The following PTPN18 variants were observed in gnomAD, a reference collection of about 807,000 sequenced individuals.
PTPN18 encodes tyrosine-protein phosphatase non-receptor type 18.
In PTPN18, 65 loss-of-function variants were observed where a neutral mutation model predicts 65.4. That is an observed-to-expected ratio of 0.99 (90% CI 0.81 to 1.22). The LOEUF (loss-of-function observed/expected upper bound fraction) is 1.22, where lower values mean the gene tolerates loss of function less well. PTPN18 is among the 50% of genes most tolerant of loss of function. The probability of loss-of-function intolerance (pLI) is 0.00; values close to 1 mark genes in which losing one functional copy is unlikely to be tolerated. For missense variants in PTPN18, 616 were observed against 646.5 expected, an observed-to-expected ratio of 0.95 and a Z score of 0.51; for synonymous variants, 255 against 267.8, an observed-to-expected ratio of 0.95 and a Z score of 0.47.
At chr2:130,366,222 C>T (rs1680375971) in intron 5 of PTPN18, among the ~76,000 whole-genome samples, 1 of 152,200 alleles carries the variant, frequency 6.6e-6, no homozygotes, top group South Asian at 2.1e-4. Context: ...ATGCAGAACA[C>T]CTGTTCTCCT....
intron 5 of PTPN18, among the ~76,000 whole-genome samples, chr2:130,364,480 A>G (rs1680321321): frequency 6.6e-6 from 1 of 152,160 alleles, no homozygotes; most frequent in African/African-American, 2.4e-5. Context: ...CCTTTTGACT[A>G]TTGTAAATAA....
chr2:130,359,244 C>G lies in PTPN18; in HGVS notation c.214C>G (p.Arg72Gly). The G allele has an allele frequency of 6.2e-7, 1 of 1,614,022 alleles. No homozygotes were observed. The highest frequency in any genetic ancestry group is 8.5e-7 in the Non-Finnish European group (1 of 1,180,018). The change falls in exon 3 of 15, where the codon CGA (arginine) becomes GGA (glycine). Residue 72 changes from arginine to glycine, a missense_variant. By Grantham distance (125) the Arg-to-Gly change is moderately radical. Transcript: ENST00000175756. Reference sequence around the variant, plus strand: ...TTATCTGCTGACAGATGATCAGACGCGAGTAATCCTCTCCCTGCTCCAGGA... The same window carrying G: ...TTATCTGCTGACAGATGATCAGACGGGAGTAATCCTCTCCCTGCTCCAGGA... ...YKDVLPYDQT[R>G]VILSLLQEEG...
chr2:130,369,001 T>C, intron 5 of PTPN18, 132 bp from the exon 6 acceptor site: 1 of 662,284 alleles, frequency 1.5e-6, no homozygotes, highest in Non-Finnish European at 2.6e-6. Context: ...GGCTGGCGTC[T>C]GTTATAGGTT....
Position 130,373,071 on chromosome 2 carries a change from A to G in PTPN18, c.1316-86A>G, listed in dbSNP as rs1306366704. Reference sequence around the variant, plus strand: ...GCTGCAGTGAACCAGGAGGACCTGGAGGCGGGGGGATGGCCTTCTTCATGT... The same window carrying G: ...GCTGCAGTGAACCAGGAGGACCTGGGGGCGGGGGGATGGCCTTCTTCATGT... On this transcript the variant is annotated intron_variant, in intron 14 of 14. Coordinates refer to ENST00000175756, the MANE Select transcript of PTPN18 (RefSeq NM_014369.4). The surrounding 1 kb of genome is among the most constrained non-coding windows in gnomAD (Gnocchi z 4.1). The G allele has an allele frequency of 1.3e-6, 2 of 1,541,630 alleles. No homozygotes were observed. Among genetic ancestry groups the G allele is most frequent in the Non-Finnish European group, 1.8e-6 (2 of 1,127,732 alleles).
Position 130,371,235 on chromosome 2 carries a change from C to G in PTPN18, c.961C>G (p.Arg321Gly), listed in dbSNP as rs200481567. Reference sequence around the variant, plus strand: ...ACTCTACGACGATGCCCTCTTCCTCCGGACTCCCCAGGCACTTCTCGCCAT... The same window carrying G: ...ACTCTACGACGATGCCCTCTTCCTCGGGACTCCCCAGGCACTTCTCGCCAT... Reference protein sequence around the residue: ...APLYDDALFLRTPQALLAIPR... With the variant: ...APLYDDALFLGTPQALLAIPR... The change falls in exon 12 of 15, where the codon CGG becomes GGG. Residue 321 changes from arginine to glycine, a missense_variant. Coordinates refer to ENST00000175756, the MANE Select transcript of PTPN18 (RefSeq NM_014369.4). The G allele has an allele frequency of 6.2e-7, 1 of 1,610,972 alleles. No homozygotes were observed.
intron 5 of PTPN18, among the ~76,000 whole-genome samples, chr2:130,367,804 G>A (rs925001847): frequency 6.6e-6 from 1 of 151,972 alleles, no homozygotes; most frequent in South Asian, 2.1e-4. Context: ...TGGGTTCATA[G>A]TTTCATCGAA....
At chr2:130,372,137 C>T (rs1680584472) in intron 12 of PTPN18, 120 bp from the exon 13 acceptor site, 1 of 964,854 alleles carries the variant, frequency 1.0e-6, no homozygotes, top group Non-Finnish European at 1.5e-6. Flanking sequence ...AGCCCTCCCT[C>T]CCATCTAGCG....
At chr2:130,366,554 T>G (rs72614442) in intron 5 of PTPN18, among the ~76,000 whole-genome samples, 27,507 of 152,116 alleles carry the variant, frequency 0.18, 2,657 homozygotes, top group East Asian at 0.32. Flanking sequence ...TATTGGTTAG[T>G]AGTTTTCTTT....
Position 130,369,155 on chromosome 2 carries a change from C to T in PTPN18, c.437C>T (p.Ala146Val), listed in dbSNP as rs748244878. Residue 146 changes from alanine to valine, a missense_variant, in exon 6 of 15, where the codon GCC becomes GTC. By Grantham distance (64) the Ala-to-Val change is moderately conservative (BLOSUM62 0). Coordinates refer to ENST00000175756, the MANE Select transcript of PTPN18 (RefSeq NM_014369.4). ...CAGAAAAGGTGTGAGCGGTACTGGG[C>T]CCAGGAGCAGGAGCCACTGCAGACT... ...NGRKRCERYW[A>V]QEQEPLQTGL... is the part of the protein sequence containing the mutation. 1.9e-6 allele frequency: 3 copies of T among 1,613,240 alleles called. No homozygotes were observed. Among genetic ancestry groups the T allele is most frequent in the Admixed American group, 3.3e-5 (2 of 59,986 alleles).
chr2:130,370,739 T>G lies in PTPN18; in HGVS notation c.791T>G (p.Val264Gly). Residue 264 changes from valine to glycine, a missense_variant, in exon 10 of 15, where the codon GTC (valine) becomes GGC (glycine). This residue lies in a region of PTPN18 where 368 missense variants were observed against 386.7 expected (regional missense o/e 0.95). Coordinates refer to ENST00000175756, the MANE Select transcript of PTPN18 (RefSeq NM_014369.4). ...IPPDFSLFDV[V>G]LKMRKQRPAA... is the part of the protein sequence containing the mutation. ...CCTGACTTCAGTCTCTTTGATGTGGTCCTTAAGATGAGGAAGCAGCGGCCT... is the reference window on the plus strand; with the variant it reads ...CCTGACTTCAGTCTCTTTGATGTGGGCCTTAAGATGAGGAAGCAGCGGCCT... 6.2e-7 allele frequency: 1 copy of G among 1,614,208 alleles called. No homozygotes were observed. Among genetic ancestry groups the G allele is most frequent in the Non-Finnish European group, 8.5e-7 (1 of 1,180,044 alleles).
intron 2 of PTPN18, 34 bp downstream of exon 2, chr2:130,359,009 C>G (rs778834957): frequency 3.8e-6 from 6 of 1,598,366 alleles, no homozygotes; most frequent in Non-Finnish European, 4.3e-6. Context: ...GTCGGTGCAG[C>G]CTTGCACGCC....
chr2:130,362,681 A>G (rs1201175041), intron 5 of PTPN18, among the ~76,000 whole-genome samples: 1 of 152,168 alleles, frequency 6.6e-6, no homozygotes, highest in Admixed American at 6.5e-5. Context: ...TCCACAGTAC[A>G]CTGCTATTAT....
rs564604862 is a variant in PTPN18, at chr2:130,374,994, T to C, written c.*1770T>C. ...GCCCACAGTGGGAGCTGGTGTGATA[T>C]CATACCTTCGCCGGCCGCCTTTCCT... On this transcript the variant is annotated 3_prime_UTR_variant, in exon 15 of 15. Coordinates refer to ENST00000175756, the MANE Select transcript of PTPN18 (RefSeq NM_014369.4). 8.9e-6 allele frequency: 2 copies of C among 225,698 alleles called. No individual in the cohort carries two copies. Among genetic ancestry groups the C allele is most frequent in the South Asian group, 5.7e-5 (1 of 17,624 alleles). 14.0% of individuals were successfully genotyped at this position (225,698 alleles called of 1,614,324 possible).
intron 11 of PTPN18, 103 bp downstream of exon 11, chr2:130,371,067 A>C: frequency 7.2e-7 from 1 of 1,387,388 alleles, no homozygotes; most frequent in Non-Finnish European, 1.0e-6. Flanking sequence ...GCAGGCACTG[A>C]CTATGACATC....
Position 130,372,912 on chromosome 2 carries a change from A to G in PTPN18, c.1280A>G (p.Glu427Gly). 6.2e-7 allele frequency: 1 copy of G among 1,614,118 alleles called. No homozygotes were observed. The highest frequency in any genetic ancestry group is 8.5e-7 in the Non-Finnish European group (1 of 1,179,996). ...DQSPAGSGAY[E>G]DVAGGAQTGG... The stretch of plus-strand genomic sequence containing the variant: ...AGTCCTGCCGGATCTGGCGCCTACG[A>G]GGACGTGGCGGGTGGAGCTCAGACC... The change falls in exon 14 of 15, where the codon GAG becomes GGG. Residue 427 changes from glutamate to glycine, a missense_variant. This residue lies in a region of PTPN18 where 368 missense variants were observed against 386.7 expected (regional missense o/e 0.95). Coordinates refer to ENST00000175756, the MANE Select transcript of PTPN18 (RefSeq NM_014369.4).
chr2:130,358,203 A>G (rs550605602), intron 1 of PTPN18, among the ~76,000 whole-genome samples: 1 of 152,330 alleles, frequency 6.6e-6, no homozygotes, highest in African/African-American at 2.4e-5. Context: ...AAATGACCCA[A>G]TGGACACAAG....
intron 5 of PTPN18, among the ~76,000 whole-genome samples, chr2:130,364,797 AAACAAC>A (rs144620334): frequency 1.3e-5 from 2 of 152,020 alleles, no homozygotes; most frequent in African/African-American, 4.8e-5. Context: ...CTCCGTCTCA[AAACAAC>A]AACAACAACA....
In PTPN18 at chr2:130,356,157, C is replaced by A; in HGVS notation, c.50C>A (p.Ala17Glu). Residue 17 changes from alanine (A) to glutamate (E), a missense_variant, in exon 1 of 15, where the codon GCG becomes GAG. Physicochemically the swap from Ala to Glu is moderately radical, Grantham distance 107. Coordinates refer to ENST00000175756, the MANE Select transcript of PTPN18 (RefSeq NM_014369.4). ...SARSFLERLE[A>E]RGGREGAVLA... ...CGGAGCTTCCTGGAGCGGCTGGAAG[C>A]GCGGGGCGGCCGGGAGGGGGCAGTC... The A allele has an allele frequency of 7.6e-7, 1 of 1,313,202 alleles. No individual in the cohort carries two copies. The highest frequency in any genetic ancestry group is 9.7e-7 in the Non-Finnish European group (1 of 1,035,758). 81.3% of individuals were successfully genotyped at this position (1,313,202 alleles called of 1,614,324 possible).
intron 8 of PTPN18, 102 bp from the exon 9 acceptor site, chr2:130,370,455 C>T: frequency 7.4e-7 from 1 of 1,354,560 alleles, no homozygotes; most frequent in Non-Finnish European, 1.1e-6. Flanking sequence ...TCAAGAGGCT[C>T]TGCAGGGGAT....
Sources: gnomAD v4.1 joint callset for allele counts (sites outside exome capture counted in the v4.1 genomes callset) on GRCh38, gnomAD v4.1.1 for gene constraint, gnomAD v4.1.1 regional missense constraint, Gnocchi (gnomAD v3.1) non-coding constraint, MANE v1.5 for transcripts, NCBI Gene and HGNC (gene_info 2026-07-23, HGNC 2026-07-21) for gene names.